MED13L: variants seen among roughly 807,000 people sequenced by gnomAD.
MED13L encodes the protein mediator complex subunit 13L, also known as mediator of RNA polymerase II transcription subunit 13-like.
A neutral mutation model predicts 220.9 loss-of-function variants in MED13L; 7 were observed. The ratio of observed to expected loss-of-function variants is 0.03; its 90% CI spans 0.02 to 0.06. The LOEUF (loss-of-function observed/expected upper bound fraction) is 0.06. Among genes scored for constraint, MED13L ranks in the 10% least tolerant of loss-of-function variants. The probability of loss-of-function intolerance (pLI) is 1.00; values close to 1 mark genes in which losing one functional copy is unlikely to be tolerated. For synonymous variants in MED13L, 1,011 were observed against 1,015.2 expected (o/e 1.00, Z 0.08); for missense variants, 1,965 against 2,760.5 (o/e 0.71, Z 6.46).
rs185335559 is a variant in MED13L at position 116,103,957 on chromosome 12, T to C, written c.396-7205A>G. 1.6e-3 allele frequency among the ~76,000 whole-genome samples: 240 copies of C among 151,800 alleles called. 1 individual carries two copies. Among genetic ancestry groups the C allele is most frequent in the Middle Eastern group, 0.014 (4 of 290 alleles). On this transcript the variant is annotated intron_variant, in intron 3 of 30. Transcript: ENST00000281928. ...ATCCCACCATGCTCCAGTGAGTATG[T>C]TATTCTGAAATCCCTTCACCACCAC...
intron 1 of MED13L, chr12:116,276,833 G>T (rs1448585736): frequency 2.8e-6 from 3 of 1,080,688 alleles, no homozygotes; most frequent in Middle Eastern, 3.3e-4. Flanking sequence ...TCCACGCCGA[G>T]CGCCGCGCTC....
intron 4 of MED13L, among the ~76,000 whole-genome samples, chr12:116,053,743 G>A (rs1868704848): frequency 1.3e-5 from 2 of 152,116 alleles, no homozygotes; most frequent in Non-Finnish European, 2.9e-5. Context: ...TCAAAGCTCT[G>A]AACTTTACAA....
intron 4 of MED13L, among the ~76,000 whole-genome samples, chr12:116,080,796 T>G (rs1871187856): frequency 6.6e-6 from 1 of 152,260 alleles, no homozygotes; most frequent in Non-Finnish European, 1.5e-5. Context: ...CAACTGCGGC[T>G]ATTTAAGAAT....
intron 1 of MED13L, among the ~76,000 whole-genome samples, chr12:116,269,312 C>A (rs1873069682): frequency 6.6e-6 from 1 of 152,028 alleles, no homozygotes; most frequent in African/African-American, 2.4e-5. Context: ...CAGCCTCGGC[C>A]TCCCAAAGAG....
intron 26 of MED13L, among the ~76,000 whole-genome samples, chr12:115,971,282 A>G (rs1876564205): frequency 6.6e-6 from 1 of 152,192 alleles, no homozygotes; most frequent in Admixed American, 6.5e-5. Context: ...TGAGGACAAA[A>G]GCACAAAGAA....
intron 2 of MED13L, among the ~76,000 whole-genome samples, chr12:116,224,916 T>G (rs1868803871): frequency 6.6e-6 from 1 of 152,210 alleles, no homozygotes; most frequent in Non-Finnish European, 1.5e-5. Context: ...TGGGCTCAAC[T>G]GATACTCTGG....
rs1050519293 is a variant in MED13L, at chr12:116,020,090, T to C, written c.626-118A>G. On this transcript the variant is annotated intron_variant, in intron 5 of 30. Coordinates refer to ENST00000281928, the MANE Select transcript of MED13L (RefSeq NM_015335.5). The stretch of plus-strand genomic sequence containing the variant: ...ATCACTTAATGTGCATTGTTCTTTA[T>C]TTCCTAACTCTATTTAAAGTATGAT... 3.3e-6 allele frequency: 3 copies of C among 917,294 alleles called. No individual in the cohort carries two copies. In the African/African-American group the frequency reaches 5.0e-5, roughly 15 times the overall value. The allele number at this position is 917,294 out of a possible 1,614,324, so 56.8% of individuals were successfully genotyped here.
intron 13 of MED13L, among the ~76,000 whole-genome samples, chr12:116,005,629 A>G (rs1879000668): frequency 6.6e-6 from 1 of 152,202 alleles, no homozygotes; most frequent in Non-Finnish European, 1.5e-5. Context: ...AGATCCTTCA[A>G]TGAACAAAAC....
chr12:116,255,982 T>G lies in MED13L; in HGVS notation c.73-18277A>C, dbSNP rs569883696. On this transcript the variant is annotated intron_variant, in intron 1 of 30. Coordinates refer to ENST00000281928, the MANE Select transcript of MED13L (RefSeq NM_015335.5). ...TGAAAAAATCCAAAATCCAAAACAC[T>G]TGTGGTTCCAAGCATTTTAGATAAA... Among the ~76,000 whole-genome samples, 193 of 152,202 alleles carry G rather than the reference T, an allele frequency of 1.3e-3. 1 individual carries two copies. Among genetic ancestry groups the G allele is most frequent in the African/African-American group, 4.6e-3 (189 of 41,528 alleles).
At chr12:116,031,759 A>AGAAAAGAAAAGAAAAGAAAAGAAAAGAAG (rs1592967502) in intron 4 of MED13L, among the ~76,000 whole-genome samples, 3 of 40,984 alleles carry the variant, frequency 7.3e-5, no homozygotes, top group Non-Finnish European at 1.4e-4. Context: ...AGAAAAGAAA[A>AGAAAAGAAAAGAAAAGAAAAGAAAAGAAG]GAAGGAAGGA....
chr12:116,037,101 T>C (rs887985494), intron 4 of MED13L, among the ~76,000 whole-genome samples: 3 of 152,168 alleles, frequency 2.0e-5, no homozygotes, highest in Admixed American at 2.0e-4. Flanking sequence ...CTATGAATAA[T>C]CACCCTCCTG....
intron 2 of MED13L, among the ~76,000 whole-genome samples, chr12:116,122,536 A>G (rs1238563756): frequency 6.6e-6 from 1 of 152,212 alleles, no homozygotes; most frequent in Non-Finnish European, 1.5e-5. Flanking sequence ...CTATGTTGGA[A>G]ATGGATTGTA....
chr12:116,180,301 T>C (rs1343012921), intron 2 of MED13L, among the ~76,000 whole-genome samples: 4 of 152,156 alleles, frequency 2.6e-5, no homozygotes, highest in African/African-American at 7.2e-5. Context: ...CCAAAACTTT[T>C]TGAGTGCCAA....
intron 17 of MED13L, among the ~76,000 whole-genome samples, chr12:115,988,350 ACTGGGAGACCCATATTC>A (rs1262082693): frequency 6.6e-6 from 1 of 152,170 alleles, no homozygotes; most frequent in African/African-American, 2.4e-5. Context: ...CTTCCCTTGA[ACTGGGAGACCCATATTC>A]CTGCATAACC....
At chr12:116,146,552 C>T (rs568947262) in intron 2 of MED13L, among the ~76,000 whole-genome samples, 7 of 151,980 alleles carry the variant, frequency 4.6e-5, no homozygotes, top group Non-Finnish European at 8.8e-5. Flanking sequence ...ATTGGACACC[C>T]TGCTTTAAAT....
At chr12:115,988,198 T>C (rs1318321911) in intron 17 of MED13L, among the ~76,000 whole-genome samples, 3 of 152,202 alleles carry the variant, frequency 2.0e-5, no homozygotes, top group Non-Finnish European at 4.4e-5. Flanking sequence ...AAACACAGGA[T>C]GATTAAGGAT....
intron 1 of MED13L, among the ~76,000 whole-genome samples, chr12:116,257,263 G>A (rs1872138804): frequency 6.6e-6 from 1 of 152,146 alleles, no homozygotes; most frequent in South Asian, 2.1e-4. Flanking sequence ...TACGAGGCAG[G>A]CACTGTCTAC....
At chr12:115,993,076 A>G (rs1878171167) in intron 16 of MED13L, among the ~76,000 whole-genome samples, 1 of 152,238 alleles carries the variant, frequency 6.6e-6, no homozygotes, top group Non-Finnish European at 1.5e-5. Flanking sequence ...ACATTGTATT[A>G]GGCATTACAA....
chr12:116,053,207 C>A (rs1193234851), intron 4 of MED13L, among the ~76,000 whole-genome samples: 1 of 152,090 alleles, frequency 6.6e-6, no homozygotes, highest in African/African-American at 2.4e-5. Context: ...TGCACAGATA[C>A]AAGTGATTAG....
Sources: gnomAD v4.1 joint callset for allele counts (sites outside exome capture counted in the v4.1 genomes callset) on GRCh38, gnomAD v4.1.1 for gene constraint, MANE v1.5 for transcripts, NCBI Gene and HGNC (gene_info 2026-07-23, HGNC 2026-07-21) for gene names.